RBL1: variants seen among roughly 807,000 people sequenced by gnomAD.
RBL1 encodes the protein RB transcriptional corepressor like 1, also known as retinoblastoma-like protein 1.
In RBL1, 82 loss-of-function variants were observed where a neutral mutation model predicts 123.0. The observed-to-expected ratio is 0.67, with a 90% CI of 0.56 to 0.80. RBL1 has a LOEUF of 0.80. RBL1 is among the 30% of genes least tolerant of loss of function. The pLI, the probability that RBL1 is intolerant of heterozygous loss-of-function variation, is 0.00. For missense variants in RBL1, 1,171 were observed against 1,299.6 expected, an observed-to-expected ratio of 0.90 and a Z score of 1.52; for synonymous variants, 405 against 441.3, an observed-to-expected ratio of 0.92 and a Z score of 1.03.
At chr20:37,080,660 T>C (rs1195758565) in intron 2 of RBL1, among the ~76,000 whole-genome samples, 5 of 152,104 alleles carry the variant, frequency 3.3e-5, no homozygotes, top group Non-Finnish European at 7.4e-5. Context: ...GGCTTCACCA[T>C]GTTGGCCAGG....
At chr20:37,021,815 T>A (rs1383887162) in intron 17 of RBL1, 2 of 198,330 alleles carry the variant, frequency 1.0e-5, no homozygotes, top group African/African-American at 4.7e-5. Context: ...ACATGACTCT[T>A]GAAGCTATCA....
intron 2 of RBL1, among the ~76,000 whole-genome samples, chr20:37,069,897 C>T (rs2065257213): frequency 6.7e-6 from 1 of 149,884 alleles, no homozygotes; most frequent in African/African-American, 2.5e-5. Flanking sequence ...AGGTGAGGGG[C>T]GCCTCTGCCC....
chr20:37,070,146 G>C (rs2146309222), intron 2 of RBL1, among the ~76,000 whole-genome samples: 1 of 152,308 alleles, frequency 6.6e-6, no homozygotes, highest in African/African-American at 2.4e-5. Flanking sequence ...TCTGCCGTGG[G>C]ATCCTGTTGA....
At position 37,044,162 on chromosome 20, in the gene RBL1, C is replaced by T. The variant is rs781441177; in HGVS notation, c.1694G>A (p.Ser565Asn). 37 of 1,611,248 alleles carry T rather than the reference C, an allele frequency of 2.3e-5. No homozygotes were observed. In the South Asian group the frequency reaches 4.0e-4, roughly 17 times the overall value. Residue 565 changes from serine (S) to asparagine (N), a missense_variant, in exon 13 of 22, where the codon AGT (serine) becomes AAT (asparagine). Ser to Asn is a conservative substitution (Grantham distance 46). Transcript: ENST00000373664. ...LNSIEEQILESLAWSHDSALW... is the reference protein window; with the variant it reads ...LNSIEEQILENLAWSHDSALW... ...TGCAGAATCGTGACTCCATGCTAAA[C>T]TCTCCAAAATCTGTTCTTCAATGCT...
intron 1 of RBL1, among the ~76,000 whole-genome samples, chr20:37,093,229 A>C (rs2065675262): frequency 6.6e-6 from 1 of 152,176 alleles, no homozygotes; most frequent in South Asian, 2.1e-4. Flanking sequence ...CTTAGGAAGC[A>C]TGAGATATAT....
In RBL1 at chr20:37,007,531, G is replaced by A. The variant is rs756531689; in HGVS notation, c.2751C>T (p.Asp917=). 6.2e-7 allele frequency: 1 copy of A among 1,613,734 alleles called. No homozygotes were observed. Among genetic ancestry groups the A allele is most frequent in the African/African-American group, 1.3e-5 (1 of 75,006 alleles). ...CCTCTTTCACTGGTCCACTGGAACA[G>A]TCAGGTGTTTTTGTAGCATCTTCTA... The part of the protein sequence containing the change: ...CDLEDATKTP[D]CSSGPVKEER... Residue 917 remains aspartate, a synonymous_variant, in exon 20 of 22, where the codon GAC becomes GAT. Coordinates refer to ENST00000373664, the MANE Select transcript of RBL1 (RefSeq NM_002895.5).
At chr20:37,041,055 C>T (rs1291078158) in intron 13 of RBL1, among the ~76,000 whole-genome samples, 1 of 152,122 alleles carries the variant, frequency 6.6e-6, no homozygotes, top group Non-Finnish European at 1.5e-5. Context: ...CTGCAAAAGA[C>T]CAAAGAAGTA....
intron 2 of RBL1, among the ~76,000 whole-genome samples, chr20:37,068,558 C>A (rs1420371471): frequency 6.6e-6 from 1 of 152,002 alleles, no homozygotes; most frequent in Non-Finnish European, 1.5e-5. Context: ...ACTATGAAAT[C>A]ACTTTCGTTC....
In RBL1 at chr20:37,003,735, A is replaced by T; in HGVS notation, c.3003T>A (p.Ala1001=). The T allele has an allele frequency of 1.2e-6, 2 of 1,613,680 alleles. No homozygotes were observed. Among genetic ancestry groups the T allele is most frequent in the Non-Finnish European group, 1.7e-6 (2 of 1,179,852 alleles). Residue 1001 remains alanine (A), a synonymous_variant, in exon 21 of 22, where the codon GCT becomes GCA. Coordinates refer to ENST00000373664, the MANE Select transcript of RBL1 (RefSeq NM_002895.5). ...KNGSGLTPRS[A]LLYKFNGSPS... ...GGCTGCCATTGAACTTGTACAGCAG[A>T]GCGCTTCTTGGTGTAAGGCCTGACC...
At chr20:37,065,576 C>A (rs2065165658) in intron 6 of RBL1, 103 bp from the exon 7 acceptor site, 3 of 676,334 alleles carry the variant, frequency 4.4e-6, no homozygotes, top group Non-Finnish European at 7.3e-6. Context: ...AACACACACA[C>A]AAAACAGAAT....
chr20:37,012,952 CGGGAGGGAGGTGGGGGGGTCAG>C (rs2064186713), intron 19 of RBL1, among the ~76,000 whole-genome samples: 3 of 150,930 alleles, frequency 2.0e-5, no homozygotes, highest in Non-Finnish European at 4.4e-5. Flanking sequence ...CCGCCCCGTC[CGGGAGGGAGGTGGGGGGGTCAG>C]CCCCCCGCCC....
At chr20:37,003,336 C>A in intron 21 of RBL1, among the ~76,000 whole-genome samples, 1 of 152,168 alleles carries the variant, frequency 6.6e-6, no homozygotes, top group East Asian at 1.9e-4. Flanking sequence ...TTTCAGACAT[C>A]TTCCTATCCT....
intron 11 of RBL1, among the ~76,000 whole-genome samples, chr20:37,049,986 T>C (rs1480319664): frequency 6.8e-6 from 1 of 147,730 alleles, no homozygotes; most frequent in East Asian, 2.0e-4. Context: ...AGCTGGAACC[T>C]GGGAGGCGGA....
chr20:37,012,578 C>T (rs1310331611), intron 19 of RBL1, among the ~76,000 whole-genome samples: 7 of 149,916 alleles, frequency 4.7e-5, no homozygotes, highest in East Asian at 2.0e-4. Flanking sequence ...AGGTGAGGAG[C>T]GTCTCTGCCC....
At chr20:37,046,939 T>G in intron 12 of RBL1, 114 bp downstream of exon 12, 2 of 1,383,834 alleles carry the variant, frequency 1.4e-6, no homozygotes, top group Non-Finnish European at 9.3e-7. Context: ...AGAACACATC[T>G]GGAAACACTT....
At chr20:37,051,475 C>T (rs375778730) in intron 11 of RBL1, among the ~76,000 whole-genome samples, 2 of 152,260 alleles carry the variant, frequency 1.3e-5, no homozygotes. Flanking sequence ...GCCACAGCAC[C>T]TGGCCTCTCC....
chr20:36,997,382 A>G lies in RBL1; in HGVS notation c.*1377T>C, dbSNP rs1455371309. 6.6e-6 allele frequency: 1 copy of G among 152,194 alleles called. No homozygotes were observed. Among genetic ancestry groups the G allele is most frequent in the Non-Finnish European group, 1.5e-5 (1 of 68,040 alleles). 9.4% of individuals were successfully genotyped at this position (152,194 alleles called of 1,614,324 possible). ...ATACTGAAAAGCATCCCTAGTACTA[A>G]AAAACATCTTCAGGAGTACCCAGTG... On this transcript the variant is annotated 3_prime_UTR_variant, in exon 22 of 22. Transcript: ENST00000373664.
At chr20:37,065,649 CTT>C (rs11475348) in intron 6 of RBL1, among the ~76,000 whole-genome samples, 176 bp from the exon 7 acceptor site, 19 of 144,166 alleles carry the variant, frequency 1.3e-4, no homozygotes, top group Non-Finnish European at 7.6e-5. Flanking sequence ...TTTTTTTTAA[CTT>C]TTTTTTTTTT....
chr20:37,033,877 A>T (rs2064558070), intron 15 of RBL1, among the ~76,000 whole-genome samples: 1 of 151,784 alleles, frequency 6.6e-6, no homozygotes, highest in African/African-American at 2.4e-5. Context: ...TCAGCCTCCC[A>T]AAGTGCTGGG....
Sources: gnomAD v4.1 joint callset for allele counts (sites outside exome capture counted in the v4.1 genomes callset) on GRCh38, gnomAD v4.1.1 for gene constraint, MANE v1.5 for transcripts, NCBI Gene and HGNC (gene_info 2026-07-23, HGNC 2026-07-21) for gene names.